Variants in RBFOX3 observed in about 807,000 individuals in gnomAD.
RBFOX3 encodes RNA binding protein fox-1 homolog 3.
Under a neutral mutation model 48.7 loss-of-function variants are expected in RBFOX3, and 17 were observed. The ratio of observed to expected loss-of-function variants is 0.35; its 90% CI spans 0.24 to 0.52. RBFOX3 has a LOEUF of 0.52. Among genes scored for constraint, RBFOX3 ranks in the 20% least tolerant of loss-of-function variants. The pLI, the probability that RBFOX3 is intolerant of heterozygous loss-of-function variation, is 0.94. For synonymous variants in RBFOX3, 212 were observed against 209.5 expected, an observed-to-expected ratio of 1.01 and a Z score of -0.10; for missense variants, 382 against 497.5, an observed-to-expected ratio of 0.77 and a Z score of 2.21.
intron 4 of RBFOX3, among the ~76,000 whole-genome samples, chr17:79,209,984 A>G (rs1278428244): frequency 2.1e-5 from 3 of 142,762 alleles, no homozygotes; most frequent in Non-Finnish European, 4.6e-5. Flanking sequence ...GCGACAGAGC[A>G]AGACTCCATC....
In RBFOX3 at chr17:79,311,181, C is replaced by T. The variant is rs2076800686; in HGVS notation, c.-174-3357G>A. Among the ~76,000 whole-genome samples the T allele has an allele frequency of 6.6e-6, 1 of 152,278 alleles. No homozygotes were observed. Among genetic ancestry groups the T allele is most frequent in the East Asian group, 1.9e-4 (1 of 5,180 alleles). ...GGCGCAGTGGCTCACGCCTATAATC[C>T]CAGCACTTTGGGAGGCCGAGGCGGG... On this transcript the variant is annotated intron_variant, in intron 2 of 14. Transcript: ENST00000693108. This position sits in a 1 kb window ranked among gnomAD's most constrained non-coding sequence, Gnocchi z 4.2.
At chr17:79,342,992 G>A (rs576287515) in intron 2 of RBFOX3, among the ~76,000 whole-genome samples, 16 of 152,254 alleles carry the variant, frequency 1.1e-4, no homozygotes, top group African/African-American at 3.6e-4. Flanking sequence ...GAGAGAGAGA[G>A]AGAGAGAGAG....
intron 3 of RBFOX3, among the ~76,000 whole-genome samples, chr17:79,241,165 ATC>A (rs2062312109): frequency 6.9e-6 from 1 of 145,688 alleles, no homozygotes; most frequent in Admixed American, 7.0e-5. Context: ...CTATCTGTCT[ATC>A]TATTTAATCT....
intron 14 of RBFOX3, among the ~76,000 whole-genome samples, chr17:79,093,432 G>A (rs1000674029): frequency 1.3e-5 from 2 of 152,124 alleles, no homozygotes; most frequent in Admixed American, 1.3e-4. Context: ...GCTGCACGGA[G>A]GGCCCAAGAG....
chr17:79,120,886 C>A (rs1423587236), intron 4 of RBFOX3, among the ~76,000 whole-genome samples: 2 of 152,072 alleles, frequency 1.3e-5, no homozygotes, highest in African/African-American at 4.8e-5. Context: ...AGACCCAGCT[C>A]TTCCTGCTCT....
the RBFOX3 span, among the ~76,000 whole-genome samples, chr17:79,621,113 C>T: frequency 6.6e-6 from 1 of 151,994 alleles, no homozygotes; most frequent in African/African-American, 2.4e-5. Flanking sequence ...ACTCTCCTGC[C>T]TCAGCCTCCC....
At chr17:79,487,712 C>A (rs1050654654) in intron 1 of RBFOX3, among the ~76,000 whole-genome samples, 1 of 151,948 alleles carries the variant, frequency 6.6e-6, no homozygotes, top group Non-Finnish European at 1.5e-5. Context: ...GAGTTTGAGA[C>A]CATCCTGGCT....
At chr17:79,188,405 A>G (rs2053845329) in intron 4 of RBFOX3, among the ~76,000 whole-genome samples, 1 of 152,026 alleles carries the variant, frequency 6.6e-6, no homozygotes, top group Non-Finnish European at 1.5e-5. Flanking sequence ...AAGGAAGTTT[A>G]TTTATCTGTT....
At chr17:79,413,546 G>A (rs745665476) in intron 2 of RBFOX3, among the ~76,000 whole-genome samples, 13 of 152,248 alleles carry the variant, frequency 8.5e-5, no homozygotes, top group African/African-American at 2.4e-4. Context: ...TTCTCTTCCC[G>A]TGGCCACACT....
chr17:79,324,316 C>T (rs2078988265), intron 2 of RBFOX3, among the ~76,000 whole-genome samples: 1 of 152,218 alleles, frequency 6.6e-6, no homozygotes, highest in African/African-American at 2.4e-5. Context: ...CCAGTGGCAG[C>T]CTCAAAGCTG....
intron 4 of RBFOX3, among the ~76,000 whole-genome samples, chr17:79,215,930 G>T (rs1305611362): frequency 6.6e-6 from 1 of 152,256 alleles, no homozygotes; most frequent in Non-Finnish European, 1.5e-5. Flanking sequence ...CGTCCTGAGG[G>T]TTCCTGAGTA....
intron 2 of RBFOX3, among the ~76,000 whole-genome samples, chr17:79,355,686 T>G (rs534606142): frequency 6.6e-6 from 1 of 152,104 alleles, no homozygotes; most frequent in Non-Finnish European, 1.5e-5. Flanking sequence ...GTTCAAGCAA[T>G]TCTCCTGCCT....
chr17:79,252,971 T>A lies in RBFOX3; in HGVS notation c.-73-17166A>T, dbSNP rs2148306525. On this transcript the variant is annotated intron_variant, in intron 3 of 14. Coordinates refer to ENST00000693108, the MANE Select transcript of RBFOX3 (RefSeq NM_001350451.2). The surrounding 1 kb of genome is among the most constrained non-coding windows in gnomAD (Gnocchi z 4.0). ...TCTTTGCCGTCTACACTCAGCAAAGTCAAGTCCCTCTCTGAGCAGCCTCTG... is the reference window on the plus strand; with the variant it reads ...TCTTTGCCGTCTACACTCAGCAAAGACAAGTCCCTCTCTGAGCAGCCTCTG... 6.6e-6 allele frequency among the ~76,000 whole-genome samples: 1 copy of A among 152,066 alleles called. No individual in the cohort carries two copies. The highest frequency in any genetic ancestry group is 6.5e-5 in the Admixed American group (1 of 15,270).
At chr17:79,561,609 A>C (rs2092223091) in intron 1 of RBFOX3, among the ~76,000 whole-genome samples, 1 of 152,180 alleles carries the variant, frequency 6.6e-6, no homozygotes. Flanking sequence ...TGGTGACAGC[A>C]GTGAGTGCCC....
chr17:79,193,528 A>G (rs959398718), intron 4 of RBFOX3, among the ~76,000 whole-genome samples: 12 of 152,062 alleles, frequency 7.9e-5, no homozygotes, highest in Non-Finnish European at 1.5e-4. Context: ...CTCTGCCTCT[A>G]TCCACTTAAA....
chr17:79,332,315 C>T (rs561702328), intron 2 of RBFOX3, among the ~76,000 whole-genome samples: 3 of 150,736 alleles, frequency 2.0e-5, no homozygotes, highest in African/African-American at 7.3e-5. Context: ...TGCTGCTGAG[C>T]GAAGCAGGGA....
chr17:79,561,078 A>G (rs1379039817), intron 1 of RBFOX3, among the ~76,000 whole-genome samples: 2 of 152,190 alleles, frequency 1.3e-5, no homozygotes, highest in African/African-American at 2.4e-5. Context: ...TGTGTTCACA[A>G]TTCAAACAAA....
intron 1 of RBFOX3, among the ~76,000 whole-genome samples, chr17:79,568,443 G>A (rs1324668979): frequency 1.3e-5 from 2 of 152,082 alleles, no homozygotes; most frequent in African/African-American, 2.4e-5. Flanking sequence ...CAACTGATAA[G>A]TATAAAGCAA....
intron 2 of RBFOX3, among the ~76,000 whole-genome samples, chr17:79,308,545 G>A (rs1403568791): frequency 6.6e-6 from 1 of 152,176 alleles, no homozygotes. Context: ...TCACTCTGCC[G>A]ATCTGTGTTG....
Sources: allele counts gnomAD v4.1 joint callset (sites outside exome capture counted in the v4.1 genomes callset), GRCh38; gene constraint gnomAD v4.1.1; non-coding constraint Gnocchi (gnomAD v3.1); transcripts MANE v1.5; gene names NCBI Gene and HGNC (gene_info 2026-07-23, HGNC 2026-07-21).